Variants in TENM1 observed in about 807,000 individuals in gnomAD.
TENM1 encodes the protein teneurin-1.
TENM1 carries 35 observed loss-of-function variants against 174.8 expected under a neutral mutation model. The ratio of observed to expected loss-of-function variants is 0.20; its 90% confidence interval spans 0.15 to 0.27. The LOEUF (loss-of-function observed/expected upper bound fraction) is 0.27. TENM1 is among the 10% of genes least tolerant of loss of function. The pLI is 1.00. For synonymous variants in TENM1, 781 were observed against 798.7 expected (o/e 0.98, Z 0.37); for missense variants, 1,633 against 2,130.1 (o/e 0.77, Z 4.59).
intron 1 of TENM1, among the ~76,000 whole-genome samples, chrX:124,941,860 G>C (rs754854849): frequency 2.1e-4 from 24 of 111,795 alleles, no homozygotes; most frequent in Non-Finnish European, 4.1e-4. Context: ...CCACGTGGCT[G>C]GGGAGGCCTC....
intron 5 of TENM1, among the ~76,000 whole-genome samples, chrX:124,688,204 C>T (rs1390373702): frequency 1.9e-5 from 2 of 106,990 alleles, no homozygotes. Flanking sequence ...CCTCTCCTCT[C>T]CTCTCCTCTC....
intron 11 of TENM1, among the ~76,000 whole-genome samples, chrX:124,596,299 A>G (rs1191419893): frequency 8.9e-6 from 1 of 112,290 alleles, no homozygotes; most frequent in Admixed American, 9.4e-5. Context: ...GATATCTTCT[A>G]TCCAAACATT....
chrX:124,897,054 G>A (rs144549545), intron 1 of TENM1, among the ~76,000 whole-genome samples: 18 of 111,085 alleles, frequency 1.6e-4, no homozygotes, highest in African/African-American at 5.6e-4. Flanking sequence ...TTTTTTCATA[G>A]CTCACATCAG....
chrX:125,003,214 T>C, the TENM1 span, among the ~76,000 whole-genome samples: 125 of 111,698 alleles, frequency 1.1e-3, no homozygotes, highest in Middle Eastern at 4.6e-3. Context: ...CCTGTGATGC[T>C]ATGCCTGATC....
intron 22 of TENM1, among the ~76,000 whole-genome samples, chrX:124,473,665 G>C (rs1189110570): frequency 9.0e-6 from 1 of 110,922 alleles, no homozygotes; most frequent in Admixed American, 9.6e-5. Flanking sequence ...TTCCCACCTA[G>C]GCTTGTCTTT....
chrX:124,785,234 T>C (rs1315740825), intron 3 of TENM1, among the ~76,000 whole-genome samples: 1 of 112,030 alleles, frequency 8.9e-6, no homozygotes, highest in Non-Finnish European at 1.9e-5. Flanking sequence ...AACAGCCAGA[T>C]GTGATTAAGC....
At chrX:125,010,812 TAA>T in the TENM1 span, among the ~76,000 whole-genome samples, 35 of 64,429 alleles carry the variant, frequency 5.4e-4, no homozygotes, top group Admixed American at 1.2e-3. Flanking sequence ...AGACTCCGTC[TAA>T]AAAAAAAAAA....
intron 3 of TENM1, among the ~76,000 whole-genome samples, chrX:124,868,637 C>T (rs2057051617): frequency 9.0e-6 from 1 of 111,074 alleles, no homozygotes; most frequent in Non-Finnish European, 1.9e-5. Flanking sequence ...AATGGGATCA[C>T]ATCAAGTTAA....
intron 1 of TENM1, among the ~76,000 whole-genome samples, chrX:124,962,496 T>G (rs2147815513): frequency 8.9e-6 from 1 of 112,266 alleles, no homozygotes; most frequent in Admixed American, 9.5e-5. Flanking sequence ...TATTACTTTT[T>G]ATCTCAGCAT....
chrX:125,107,366 A>G, the TENM1 span, among the ~76,000 whole-genome samples: 1 of 112,589 alleles, frequency 8.9e-6, no homozygotes, highest in Admixed American at 9.4e-5. Context: ...GCATAAGTTG[A>G]AGGATTTCCC....
chrX:125,015,196 G>T, the TENM1 span, among the ~76,000 whole-genome samples: 3 of 111,237 alleles, frequency 2.7e-5, no homozygotes, highest in Non-Finnish European at 5.7e-5. Context: ...ATAACCTAGG[G>T]TTGCCAGATT....
intron 3 of TENM1, among the ~76,000 whole-genome samples, chrX:124,879,208 A>T (rs989623860): frequency 2.7e-5 from 3 of 111,613 alleles, no homozygotes; most frequent in African/African-American, 9.8e-5. Flanking sequence ...TCTGCTATTG[A>T]ACATTAGAAA....
At chrX:125,170,702 T>C in the TENM1 span, among the ~76,000 whole-genome samples, 3 of 111,069 alleles carry the variant, frequency 2.7e-5, no homozygotes, top group Non-Finnish European at 3.8e-5. Context: ...TGCTCAAGGG[T>C]GTATACCCTC....
chrX:124,433,175 A>G (rs933336257), intron 23 of TENM1, among the ~76,000 whole-genome samples: 1 of 112,154 alleles, frequency 8.9e-6, no homozygotes, highest in Non-Finnish European at 1.9e-5. Context: ...CACGGGGAAG[A>G]CAGTGCTCTG....
chrX:124,918,162 C>G (rs2147665973), intron 1 of TENM1, among the ~76,000 whole-genome samples: 1 of 109,698 alleles, frequency 9.1e-6, no homozygotes, highest in South Asian at 3.9e-4. Flanking sequence ...TAGAGGGAGA[C>G]AACACAAAGA....
the TENM1 span, among the ~76,000 whole-genome samples, chrX:125,020,856 T>C: frequency 6.3e-4 from 70 of 111,777 alleles, no homozygotes; most frequent in African/African-American, 2.2e-3. Context: ...ACACAGCCTA[T>C]GTTGTAAGCT....
At chrX:124,800,398 T>G in intron 3 of TENM1, among the ~76,000 whole-genome samples, 1 of 110,817 alleles carries the variant, frequency 9.0e-6, no homozygotes, top group South Asian at 3.7e-4. Context: ...ATGGAGCTGT[T>G]TATAGTATTA....
At chrX:124,431,106 A>G (rs2060773997) in intron 23 of TENM1, among the ~76,000 whole-genome samples, 1 of 112,168 alleles carries the variant, frequency 8.9e-6, no homozygotes, top group African/African-American at 3.2e-5. Flanking sequence ...GGCATAGAGC[A>G]GTAGACTATT....
At chrX:124,754,231 G>A (rs1048664199) in intron 3 of TENM1, among the ~76,000 whole-genome samples, 149 of 111,074 alleles carry the variant, frequency 1.3e-3, no homozygotes, top group African/African-American at 4.8e-3. Flanking sequence ...TGTATGTGTC[G>A]AGGAATTTAT....
Sources: allele counts gnomAD v4.1 joint callset (sites outside exome capture counted in the v4.1 genomes callset), GRCh38; gene constraint gnomAD v4.1.1; transcripts MANE v1.5; gene names NCBI Gene and HGNC (gene_info 2026-07-23, HGNC 2026-07-21).